PTPRG: variants seen among roughly 807,000 people sequenced by gnomAD.
The protein encoded by PTPRG is protein tyrosine phosphatase receptor type G.
Under a neutral mutation model 165.3 loss-of-function variants are expected in PTPRG, and 102 were observed. The observed-to-expected ratio is 0.62, with a 90% CI of 0.53 to 0.73. The LOEUF is 0.73. PTPRG is among the 30% of genes least tolerant of loss of function. The pLI is 0.00. For synonymous variants in PTPRG, 675 were observed against 669.5 expected (o/e 1.01, Z -0.13); for missense variants, 1,866 against 1,861.4 (o/e 1.00, Z -0.05).
At chr3:61,852,692 G>C (rs625645) in intron 2 of PTPRG, among the ~76,000 whole-genome samples, 62,702 of 151,992 alleles carry the variant, frequency 0.41, 13,824 homozygotes, top group East Asian at 0.61. Flanking sequence ...TTACTTTGTG[G>C]TCTTTGTATT....
At chr3:62,025,477 T>C (rs906501358) in intron 4 of PTPRG, among the ~76,000 whole-genome samples, 1 of 152,214 alleles carries the variant, frequency 6.6e-6, no homozygotes, top group African/African-American at 2.4e-5. Context: ...ACTTTTCTTA[T>C]TTTACAGTAA....
At chr3:61,957,765 A>G (rs2040067065) in intron 2 of PTPRG, among the ~76,000 whole-genome samples, 1 of 152,164 alleles carries the variant, frequency 6.6e-6, no homozygotes, top group African/African-American at 2.4e-5. Context: ...CCCTGTTTTC[A>G]TGCGATTCCA....
At chr3:62,230,932 CT>C (rs1223271083) in intron 13 of PTPRG, among the ~76,000 whole-genome samples, 1 of 152,168 alleles carries the variant, frequency 6.6e-6, no homozygotes, top group Non-Finnish European at 1.5e-5. Context: ...AGGGTCATCA[CT>C]GTGTTTGTGA....
chr3:62,088,770 G>T (rs1701835241), intron 5 of PTPRG, among the ~76,000 whole-genome samples: 1 of 152,240 alleles, frequency 6.6e-6, no homozygotes, highest in Admixed American at 6.5e-5. Flanking sequence ...AAACTCCCTT[G>T]CAGAGGTTGT....
intron 4 of PTPRG, among the ~76,000 whole-genome samples, chr3:62,025,854 T>A (rs1238842087): frequency 6.6e-6 from 1 of 152,224 alleles, no homozygotes; most frequent in Non-Finnish European, 1.5e-5. Context: ...AGTGGCTTCC[T>A]TACGAATTGG....
At chr3:61,768,272 G>C (rs993899264) in intron 2 of PTPRG, among the ~76,000 whole-genome samples, 1 of 151,968 alleles carries the variant, frequency 6.6e-6, no homozygotes, top group Admixed American at 6.6e-5. Flanking sequence ...CTTTTTTTTG[G>C]TAGGGATATT....
chr3:61,850,315 C>T (rs62243198), intron 2 of PTPRG, among the ~76,000 whole-genome samples: 1,626 of 152,224 alleles, frequency 0.011, 16 homozygotes, highest in South Asian at 0.028. Context: ...AGGCACCCAC[C>T]ACCACACCCA....
chr3:61,680,196 T>G (rs1257864142), intron 1 of PTPRG, among the ~76,000 whole-genome samples: 1 of 151,950 alleles, frequency 6.6e-6, no homozygotes, highest in Non-Finnish European at 1.5e-5. Context: ...CTTGTCCAAG[T>G]GTAATTATTA....
At chr3:62,194,509 G>T (rs564884466) in intron 9 of PTPRG, among the ~76,000 whole-genome samples, 3 of 152,276 alleles carry the variant, frequency 2.0e-5, no homozygotes, top group East Asian at 3.9e-4. Flanking sequence ...ATACAGCGAG[G>T]CCTTTGAACT....
chr3:61,636,121 T>C (rs1701901579), intron 1 of PTPRG, among the ~76,000 whole-genome samples: 1 of 152,184 alleles, frequency 6.6e-6, no homozygotes, highest in South Asian at 2.1e-4. Flanking sequence ...AAGTACTGTA[T>C]ATTGCTGTCT....
intron 3 of PTPRG, among the ~76,000 whole-genome samples, chr3:62,002,367 C>G (rs1304036269): frequency 6.6e-6 from 1 of 151,984 alleles, no homozygotes; most frequent in Non-Finnish European, 1.5e-5. Flanking sequence ...ACAAACCATT[C>G]GGTATATTGT....
chr3:61,650,909 G>T (rs901531483), intron 1 of PTPRG, among the ~76,000 whole-genome samples: 1 of 152,098 alleles, frequency 6.6e-6, no homozygotes, highest in South Asian at 2.1e-4. Flanking sequence ...ACCAATAAAA[G>T]TTTTAGGAAT....
chr3:61,671,194 T>C (rs1407914982), intron 1 of PTPRG, among the ~76,000 whole-genome samples: 1 of 150,160 alleles, frequency 6.7e-6, no homozygotes, highest in Non-Finnish European at 1.5e-5. Flanking sequence ...CAGAGGGGGA[T>C]TTGGCAGGGT....
chr3:62,235,877 A>G (rs1350030176), intron 14 of PTPRG, among the ~76,000 whole-genome samples: 1 of 151,928 alleles, frequency 6.6e-6, no homozygotes, highest in East Asian at 1.9e-4. Context: ...ATATCTGTTA[A>G]GCCCTGCTTA....
At chr3:61,613,245 A>T (rs987555219) in intron 1 of PTPRG, among the ~76,000 whole-genome samples, 4 of 152,172 alleles carry the variant, frequency 2.6e-5, no homozygotes, top group African/African-American at 9.7e-5. Flanking sequence ...ATGCAGAGAG[A>T]TGAAAATATG....
rs113250439 is a variant in PTPRG at position 61,773,779 on chromosome 3, C to CTT, written c.190+24809_190+24810dup. 1.8e-3 allele frequency among the ~76,000 whole-genome samples: 264 copies of CTT among 144,886 alleles called. 7 individuals are homozygous for CTT. The East Asian group carries it at 0.043, about 24-fold the overall frequency. ...AAGTTAAAACCTTCTCCCCCATTGA[C>CTT]TTTTTTTTTTTTTGAGACAGAGTCT... On this transcript the variant is annotated intron_variant, in intron 2 of 29. Coordinates refer to ENST00000474889, the MANE Select transcript of PTPRG (RefSeq NM_002841.4).
At chr3:61,843,123 A>C (rs936717114) in intron 2 of PTPRG, among the ~76,000 whole-genome samples, 5 of 152,242 alleles carry the variant, frequency 3.3e-5, no homozygotes, top group African/African-American at 1.2e-4. Context: ...TCTGCAAAGA[A>C]AATCCAGTTT....
intron 4 of PTPRG, among the ~76,000 whole-genome samples, chr3:62,004,506 C>T (rs2041248180): frequency 6.6e-6 from 1 of 152,198 alleles, no homozygotes; most frequent in Non-Finnish European, 1.5e-5. Context: ...CTCCTTAGTT[C>T]TTGTTTTCTT....
At chr3:61,694,711 G>A (rs941100975) in intron 1 of PTPRG, among the ~76,000 whole-genome samples, 13 of 152,164 alleles carry the variant, frequency 8.5e-5, no homozygotes, top group African/African-American at 2.7e-4. Flanking sequence ...AGTGGGGCAC[G>A]ATGTAGCCAT....
Sources: gnomAD v4.1 joint callset for allele counts (sites outside exome capture counted in the v4.1 genomes callset) on GRCh38, gnomAD v4.1.1 for gene constraint, MANE v1.5 for transcripts, NCBI Gene and HGNC (gene_info 2026-07-23, HGNC 2026-07-21) for gene names.